RUNDC3B: variants seen among roughly 807,000 people sequenced by gnomAD.
The protein encoded by RUNDC3B is RUN domain containing 3B, also known as RUN domain-containing protein 3B.
Under a neutral mutation model 58.4 loss-of-function variants are expected in RUNDC3B, and 33 were observed. The observed-to-expected ratio is 0.56, with a 90% CI of 0.43 to 0.75. RUNDC3B has a LOEUF of 0.75. Ranked by LOEUF, RUNDC3B falls within the 30% of genes least tolerant of loss-of-function variation. The probability of loss-of-function intolerance (pLI) is 0.00; values close to 1 mark genes in which losing one functional copy is unlikely to be tolerated. For missense variants in RUNDC3B, 501 were observed against 535.7 expected (o/e 0.94, Z 0.64); for synonymous variants, 193 against 195.2 (o/e 0.99, Z 0.10).
At chr7:87,800,863 G>A (rs1257252270) in intron 8 of RUNDC3B, among the ~76,000 whole-genome samples, 1 of 151,948 alleles carries the variant, frequency 6.6e-6, no homozygotes, top group African/African-American at 2.4e-5. Context: ...TGTCCAGGCT[G>A]GTCTTGAACT....
At chr7:87,826,543 ACAAC>A (rs1391485847) in intron 10 of RUNDC3B, among the ~76,000 whole-genome samples, 2 of 152,044 alleles carry the variant, frequency 1.3e-5, no homozygotes, top group African/African-American at 2.4e-5. Flanking sequence ...AAATGGGAAA[ACAAC>A]CAAGAGAATG....
chr7:87,750,124 T>C (rs369472971), intron 6 of RUNDC3B, among the ~76,000 whole-genome samples: 9 of 151,638 alleles, frequency 5.9e-5, no homozygotes, highest in African/African-American at 2.2e-4. Flanking sequence ...TGAGAATATG[T>C]GGTGTTTGGT....
At chr7:87,668,585 T>C (rs1825508231) in intron 2 of RUNDC3B, among the ~76,000 whole-genome samples, 1 of 152,114 alleles carries the variant, frequency 6.6e-6, no homozygotes, top group Non-Finnish European at 1.5e-5. Context: ...TAATTTGAGA[T>C]CTCTCTAACT....
intron 10 of RUNDC3B, among the ~76,000 whole-genome samples, chr7:87,816,944 G>C: frequency 6.6e-6 from 1 of 152,162 alleles, no homozygotes; most frequent in African/African-American, 2.4e-5. Context: ...GGTTAAAGCT[G>C]TTACTCCAGC....
intron 6 of RUNDC3B, among the ~76,000 whole-genome samples, chr7:87,765,781 G>C (rs955890294): frequency 6.6e-6 from 1 of 152,032 alleles, no homozygotes; most frequent in Non-Finnish European, 1.5e-5. Context: ...TTATTGGGTA[G>C]CATGTTCTGT....
At chr7:87,775,729 A>G (rs573198587) in intron 7 of RUNDC3B, among the ~76,000 whole-genome samples, 2 of 152,296 alleles carry the variant, frequency 1.3e-5, no homozygotes, top group East Asian at 3.9e-4. Context: ...GTTTAGATAT[A>G]TAAATACTTG....
intron 4 of RUNDC3B, among the ~76,000 whole-genome samples, chr7:87,720,993 A>G (rs1393385570): frequency 3.4e-4 from 8 of 23,362 alleles, no homozygotes; most frequent in Admixed American, 3.2e-3. Context: ...CTAAATGTCC[A>G]ATTAAATGTA....
intron 6 of RUNDC3B, among the ~76,000 whole-genome samples, chr7:87,762,418 A>G (rs117318147): frequency 0.03 from 4,512 of 151,328 alleles, 64 homozygotes; most frequent in Middle Eastern, 0.048. Flanking sequence ...TTACATCTAT[A>G]TGTGTATGAA....
chr7:87,694,985 A>C (rs1418956694), intron 2 of RUNDC3B, among the ~76,000 whole-genome samples: 2 of 152,138 alleles, frequency 1.3e-5, no homozygotes, highest in African/African-American at 4.8e-5. Flanking sequence ...TTACATTGTC[A>C]ATACCAAAGG....
At chr7:87,739,755 T>C in intron 4 of RUNDC3B, 36 bp from the exon 5 acceptor site, 1 of 984,084 alleles carries the variant, frequency 1.0e-6, no homozygotes. Flanking sequence ...CCATTTATTT[T>C]TAATATTTTA....
intron 6 of RUNDC3B, among the ~76,000 whole-genome samples, chr7:87,749,464 A>G (rs962760809): frequency 7.9e-5 from 12 of 152,222 alleles, no homozygotes; most frequent in Admixed American, 7.9e-4. Context: ...ATGAGAATAG[A>G]AATACCAATT....
intron 8 of RUNDC3B, among the ~76,000 whole-genome samples, chr7:87,792,395 A>G (rs1584221729): frequency 6.6e-6 from 1 of 152,290 alleles, no homozygotes; most frequent in East Asian, 1.9e-4. Flanking sequence ...ATTTCATCCA[A>G]TGGCTAGAGA....
At chr7:87,696,362 T>A (rs1342095208) in intron 2 of RUNDC3B, among the ~76,000 whole-genome samples, 1 of 152,200 alleles carries the variant, frequency 6.6e-6, no homozygotes, top group African/African-American at 2.4e-5. Context: ...ACTTTGTTTT[T>A]AAATTTTCCT....
At chr7:87,772,617 A>G (rs1026436109) in intron 7 of RUNDC3B, among the ~76,000 whole-genome samples, 1 of 152,170 alleles carries the variant, frequency 6.6e-6, no homozygotes, top group Non-Finnish European at 1.5e-5. Flanking sequence ...AATTAAGAGA[A>G]TAGAAGTAGA....
At position 87,764,850 on chromosome 7, in the gene RUNDC3B, G is replaced by A. The variant is rs986141844; in HGVS notation, c.630-5731G>A. ...TACATTTGCTATTGTGAATAGTGCT[G>A]TGATAAACATACAAGGGAGAGTGTC... On this transcript the variant is annotated intron_variant, in intron 6 of 10. Transcript: ENST00000394654. 6.6e-5 allele frequency among the ~76,000 whole-genome samples: 10 copies of A among 151,910 alleles called. 1 individual carries two copies. The highest frequency in any genetic ancestry group is 8.8e-5 in the Non-Finnish European group (6 of 67,836).
intron 2 of RUNDC3B, among the ~76,000 whole-genome samples, chr7:87,695,947 G>T (rs1828457869): frequency 6.6e-6 from 1 of 152,050 alleles, no homozygotes; most frequent in African/African-American, 2.4e-5. Flanking sequence ...TAAAGATGAG[G>T]CAATTTAGTT....
intron 8 of RUNDC3B, among the ~76,000 whole-genome samples, chr7:87,797,692 G>T (rs953950483): frequency 1.3e-5 from 2 of 152,124 alleles, no homozygotes; most frequent in African/African-American, 4.8e-5. Context: ...TTTGGTGGTT[G>T]CCCTGAAATT....
At chr7:87,672,075 T>C (rs1381116845) in intron 2 of RUNDC3B, among the ~76,000 whole-genome samples, 1 of 152,062 alleles carries the variant, frequency 6.6e-6, no homozygotes, top group Admixed American at 6.6e-5. Context: ...ATCCCAAAGA[T>C]GGGAATGACT....
At chr7:87,756,760 C>T (rs187327577) in intron 6 of RUNDC3B, among the ~76,000 whole-genome samples, 2 of 151,828 alleles carry the variant, frequency 1.3e-5, no homozygotes, top group African/African-American at 4.8e-5. Flanking sequence ...ATTGTTTTTC[C>T]TTTCTTGGTG....
Sources: gnomAD v4.1 joint callset for allele counts (sites outside exome capture counted in the v4.1 genomes callset) on GRCh38, gnomAD v4.1.1 for gene constraint, MANE v1.5 for transcripts, NCBI Gene and HGNC (gene_info 2026-07-23, HGNC 2026-07-21) for gene names.